The following AP3B1 variants were observed in gnomAD, a reference collection of about 807,000 sequenced individuals.
The protein encoded by AP3B1 is AP-3 complex subunit beta-1.
In AP3B1, 61 loss-of-function variants were observed where a neutral mutation model predicts 132.5. The ratio of observed to expected loss-of-function variants is 0.46; its 90% CI spans 0.37 to 0.57. AP3B1 has a LOEUF of 0.57. Among genes scored for constraint, AP3B1 ranks in the 20% least tolerant of loss-of-function variants. The pLI is 0.00. For missense variants in AP3B1, 1,120 were observed against 1,289.4 expected, an observed-to-expected ratio of 0.87 and a Z score of 2.01; for synonymous variants, 388 against 438.3, an observed-to-expected ratio of 0.89 and a Z score of 1.43.
At chr5:78,132,503 C>G (rs935337092) in intron 15 of AP3B1, among the ~76,000 whole-genome samples, 3 of 152,204 alleles carry the variant, frequency 2.0e-5, no homozygotes, top group South Asian at 2.1e-4. Flanking sequence ...ACTAATGGAG[C>G]CACCACATTA....
intron 24 of AP3B1, among the ~76,000 whole-genome samples, chr5:78,022,674 T>C (rs965944156): frequency 4.6e-5 from 7 of 152,180 alleles, no homozygotes; most frequent in Admixed American, 6.5e-5. Flanking sequence ...CTAGAGATTT[T>C]TGGCATAGGA....
chr5:78,032,400 T>C (rs962588978), intron 24 of AP3B1, among the ~76,000 whole-genome samples: 2 of 152,176 alleles, frequency 1.3e-5, no homozygotes, highest in South Asian at 4.1e-4. Context: ...GTTTCTTTTT[T>C]TCTTTTTATT....
chr5:78,243,124 T>C (rs1213418270), intron 2 of AP3B1, among the ~76,000 whole-genome samples: 1 of 152,120 alleles, frequency 6.6e-6, no homozygotes, highest in African/African-American at 2.4e-5. Flanking sequence ...GTGACATTCT[T>C]TTGAGTATTT....
At chr5:78,225,050 T>C (rs1419245102) in intron 6 of AP3B1, among the ~76,000 whole-genome samples, 1 of 152,114 alleles carries the variant, frequency 6.6e-6, no homozygotes, top group Non-Finnish European at 1.5e-5. Context: ...TGCTAAGCCA[T>C]AAACCAATAG....
intron 22 of AP3B1, among the ~76,000 whole-genome samples, chr5:78,076,141 C>T (rs1302851866): frequency 1.3e-5 from 2 of 152,186 alleles, no homozygotes; most frequent in Admixed American, 1.3e-4. Context: ...ATAAAGACAA[C>T]TTGTATCTAC....
At chr5:78,105,972 C>T (rs760349081) in intron 20 of AP3B1, among the ~76,000 whole-genome samples, 1 of 152,172 alleles carries the variant, frequency 6.6e-6, no homozygotes, top group Admixed American at 6.5e-5. Context: ...GATACCCCAT[C>T]ATCAGTAACA....
intron 13 of AP3B1, among the ~76,000 whole-genome samples, chr5:78,161,847 A>G (rs1743399656): frequency 6.6e-6 from 1 of 151,972 alleles, no homozygotes; most frequent in South Asian, 2.1e-4. Context: ...ACTCTCAACA[A>G]TGTTACAGTT....
At chr5:78,035,778 C>T (rs2636990) in intron 23 of AP3B1, among the ~76,000 whole-genome samples, 23,392 of 152,044 alleles carry the variant, frequency 0.15, 2,295 homozygotes, top group Admixed American at 0.26. Flanking sequence ...CAGGATGCCA[C>T]TCAAATACTA....
chr5:78,177,488 C>A, intron 8 of AP3B1, 52 bp from the exon 9 acceptor site: 1 of 1,305,044 alleles, frequency 7.7e-7, no homozygotes, highest in Non-Finnish European at 1.1e-6. Context: ...GAGCACTCTA[C>A]AACCTCAAAA....
At position 78,241,645 on chromosome 5, in the gene AP3B1, G is replaced by A. The variant is rs1028796610; in HGVS notation, c.205-709C>T. 4.0e-5 allele frequency among the ~76,000 whole-genome samples: 6 copies of A among 151,886 alleles called. No homozygotes were observed. In the East Asian group the frequency reaches 5.8e-4, roughly 15 times the overall value. On this transcript the variant is annotated intron_variant, in intron 2 of 26. Transcript: ENST00000255194. ...CTTCCTCTGCCCACTAAAGTTCTGCGCACCACCATCTTTTCAGCCTACACT... is the reference window on the plus strand; with the variant it reads ...CTTCCTCTGCCCACTAAAGTTCTGCACACCACCATCTTTTCAGCCTACACT...
Position 78,130,292 on chromosome 5 carries a change from G to T in AP3B1, c.1651-985C>A, listed in dbSNP as rs148130610. 2.7e-3 allele frequency among the ~76,000 whole-genome samples: 404 copies of T among 152,060 alleles called. 4 individuals are homozygous for T. Among genetic ancestry groups the T allele is most frequent in the African/African-American group, 9.5e-3 (394 of 41,514 alleles). On this transcript the variant is annotated intron_variant, in intron 15 of 26. Transcript: ENST00000255194. The stretch of plus-strand genomic sequence containing the variant: ...CTAAATCATTTACTTTAGATTAGAA[G>T]ATTTTATGCACATTAGAAGCAGATA...
chr5:78,119,458 T>C (rs898342345), intron 17 of AP3B1, among the ~76,000 whole-genome samples: 1 of 152,060 alleles, frequency 6.6e-6, no homozygotes, highest in Non-Finnish European at 1.5e-5. Flanking sequence ...ATTAGACGAA[T>C]GGATACCTAG....
intron 3 of AP3B1, among the ~76,000 whole-genome samples, chr5:78,229,023 C>G (rs1746517012): frequency 6.6e-6 from 1 of 152,206 alleles, no homozygotes; most frequent in Non-Finnish European, 1.5e-5. Context: ...GCCTCAACCT[C>G]CTGGCCTCAT....
intron 3 of AP3B1, among the ~76,000 whole-genome samples, chr5:78,240,298 A>T (rs1025775895): frequency 2.0e-5 from 3 of 152,240 alleles, no homozygotes; most frequent in African/African-American, 7.2e-5. Context: ...TTAATTTATC[A>T]ATTAACCAGG....
At chr5:78,097,459 G>A (rs1750901837) in intron 21 of AP3B1, among the ~76,000 whole-genome samples, 1 of 130,886 alleles carries the variant, frequency 7.6e-6, no homozygotes, top group South Asian at 2.6e-4. Context: ...CCCCTACTGG[G>A]AAGTGAGGAG....
In AP3B1 at chr5:78,162,795, A is replaced by G. The variant is rs750810032; in HGVS notation, c.1363+24T>C. ...AATATTCAAATTTAAATCACCTGAA[A>G]ATAAAATGAAACTGTAAACTTACCA... On this transcript the variant is annotated intron_variant, in intron 13 of 26. Coordinates refer to ENST00000255194, the MANE Select transcript of AP3B1 (RefSeq NM_003664.5). 1.9e-6 allele frequency: 3 copies of G among 1,612,514 alleles called. No individual in the cohort carries two copies. In the East Asian group the frequency reaches 6.7e-5, roughly 36 times the overall value.
intron 15 of AP3B1, among the ~76,000 whole-genome samples, chr5:78,132,490 T>G (rs1344091609): frequency 6.6e-6 from 1 of 152,200 alleles, no homozygotes; most frequent in Non-Finnish European, 1.5e-5. Context: ...GGGCCTTTTT[T>G]CTACTAATGG....
At chr5:78,076,425 G>A (rs389110) in intron 22 of AP3B1, among the ~76,000 whole-genome samples, 40,642 of 151,988 alleles carry the variant, frequency 0.27, 5,944 homozygotes, top group African/African-American at 0.38. Context: ...AGCTCTTGAG[G>A]GGCGACCTCT....
At chr5:78,127,668 G>A (rs1297370598) in intron 17 of AP3B1, among the ~76,000 whole-genome samples, 2 of 152,070 alleles carry the variant, frequency 1.3e-5, no homozygotes, top group Non-Finnish European at 2.9e-5. Context: ...TATTCAGAAG[G>A]ATATTGTCAG....
Sources: gnomAD v4.1 joint callset for allele counts (sites outside exome capture counted in the v4.1 genomes callset) on GRCh38, gnomAD v4.1.1 for gene constraint, MANE v1.5 for transcripts, NCBI Gene and HGNC (gene_info 2026-07-23, HGNC 2026-07-21) for gene names.